Variants in NCKAP5 observed in about 807,000 individuals in gnomAD.
NCKAP5 encodes NCK associated protein 5, also known as nck-associated protein 5.
In NCKAP5, 92 loss-of-function variants were observed where a neutral mutation model predicts 167.0. The ratio of observed to expected loss-of-function variants is 0.55; its 90% CI spans 0.47 to 0.66. NCKAP5 has a LOEUF of 0.66. Among genes scored for constraint, NCKAP5 ranks in the 30% least tolerant of loss-of-function variants. NCKAP5 has a pLI of 0.00. For missense variants in NCKAP5, 2,378 were observed against 2,315.0 expected (o/e 1.03, Z -0.56); for synonymous variants, 891 against 877.4 (o/e 1.02, Z -0.27).
chr2:133,566,472 A>G (rs146441981), intron 1 of NCKAP5, among the ~76,000 whole-genome samples: 1 of 152,218 alleles, frequency 6.6e-6, no homozygotes, highest in South Asian at 2.1e-4. Context: ...TAGTGAAAAC[A>G]ATGAGGAACA....
chr2:132,765,628 T>A (rs1040460516), intron 16 of NCKAP5, among the ~76,000 whole-genome samples: 1 of 152,126 alleles, frequency 6.6e-6, no homozygotes, highest in South Asian at 2.1e-4. Flanking sequence ...AGTAAGAATT[T>A]GCATGTGTTC....
chr2:133,572,280 G>A, upstream of NCKAP5, among the ~76,000 whole-genome samples: 1 of 152,210 alleles, frequency 6.6e-6, no homozygotes, highest in Non-Finnish European at 1.5e-5. Flanking sequence ...ATACTCCTGG[G>A]TCTGATTCCT....
chr2:133,313,291 T>C (rs1007092298), intron 3 of NCKAP5, among the ~76,000 whole-genome samples: 2 of 152,310 alleles, frequency 1.3e-5, no homozygotes, highest in Middle Eastern at 3.4e-3. Context: ...CTGTGTAAGT[T>C]TGGCTTTGGT....
intron 3 of NCKAP5, among the ~76,000 whole-genome samples, chr2:133,481,642 T>C (rs1435734489): frequency 6.6e-6 from 1 of 152,168 alleles, no homozygotes; most frequent in Non-Finnish European, 1.5e-5. Flanking sequence ...CGTCCATGTG[T>C]TCTCATCATT....
chr2:132,999,319 T>C (rs1226247513), intron 6 of NCKAP5, among the ~76,000 whole-genome samples: 2 of 152,216 alleles, frequency 1.3e-5, no homozygotes, highest in Non-Finnish European at 2.9e-5. Context: ...TTAAAACTAA[T>C]GCATGAGAAG....
chr2:133,470,843 T>G (rs2151280285), intron 3 of NCKAP5, among the ~76,000 whole-genome samples: 1 of 152,370 alleles, frequency 6.6e-6, no homozygotes, highest in Admixed American at 6.5e-5. Flanking sequence ...GCTTCCCAAG[T>G]GAGGCAATGC....
At position 132,732,062 on chromosome 2, in the gene NCKAP5, G is replaced by C. The variant is rs1377909145; in HGVS notation, c.5129-11C>G. On this transcript the variant is annotated splice_polypyrimidine_tract_variant and intron_variant, in intron 16 of 19. Transcript: ENST00000409261. The stretch of plus-strand genomic sequence containing the variant: ...TCTGGCAGTTGGATTCTGAGATAGA[G>C]AGACAGAGAGAGAAGGGAATAGAGA... 5.6e-6 allele frequency: 9 copies of C among 1,597,988 alleles called. No individual in the cohort carries two copies. Among genetic ancestry groups the C allele is most frequent in the South Asian group, 1.1e-5 (1 of 88,836 alleles).
chr2:133,550,014 C>T (rs1203469889), intron 2 of NCKAP5, among the ~76,000 whole-genome samples: 4 of 151,634 alleles, frequency 2.6e-5, no homozygotes, highest in Admixed American at 6.6e-5. Context: ...GGATAAATTC[C>T]TCAACACATA....
At chr2:133,525,658 C>G (rs1485127932) in intron 2 of NCKAP5, among the ~76,000 whole-genome samples, 1 of 152,164 alleles carries the variant, frequency 6.6e-6, no homozygotes, top group Non-Finnish European at 1.5e-5. Flanking sequence ...ATATAATCCA[C>G]CCTTTTAAGT....
At chr2:133,282,079 G>C (rs1227576726) in intron 4 of NCKAP5, among the ~76,000 whole-genome samples, 2 of 152,074 alleles carry the variant, frequency 1.3e-5, no homozygotes, top group Non-Finnish European at 2.9e-5. Context: ...AATGTTTAGG[G>C]TAATGATTAA....
chr2:132,749,317 C>T (rs1328629819), intron 16 of NCKAP5, among the ~76,000 whole-genome samples: 4 of 152,098 alleles, frequency 2.6e-5, no homozygotes, highest in Non-Finnish European at 5.9e-5. Context: ...CATCCTCCCA[C>T]GTCAGCCTCC....
chr2:132,833,891 G>A (rs532125079), intron 11 of NCKAP5, among the ~76,000 whole-genome samples: 34 of 152,166 alleles, frequency 2.2e-4, no homozygotes, highest in East Asian at 1.9e-3. Context: ...CTAATTCTGC[G>A]AAACAGTGAC....
chr2:133,384,426 T>C (rs1686772997), intron 3 of NCKAP5, among the ~76,000 whole-genome samples: 1 of 152,232 alleles, frequency 6.6e-6, no homozygotes, highest in African/African-American at 2.4e-5. Flanking sequence ...ATCTCTGTTT[T>C]GGTACCAGTG....
At chr2:132,861,513 T>A (rs75790679) in intron 10 of NCKAP5, among the ~76,000 whole-genome samples, 1 of 150,528 alleles carries the variant, frequency 6.6e-6, no homozygotes, top group Non-Finnish European at 1.5e-5. Flanking sequence ...AAAAAAAAAA[T>A]GTCTTCTGTT....
chr2:133,672,225 G>A, the NCKAP5 span, among the ~76,000 whole-genome samples: 1 of 151,718 alleles, frequency 6.6e-6, no homozygotes. Context: ...CCCAAAGATG[G>A]GGAAGGGTTT....
intron 2 of NCKAP5, among the ~76,000 whole-genome samples, chr2:133,554,700 C>T (rs975134298): frequency 2.0e-5 from 3 of 152,098 alleles, no homozygotes; most frequent in Non-Finnish European, 2.9e-5. Flanking sequence ...TTGACCCTAC[C>T]GATACAATGG....
chr2:132,970,163 G>A (rs751483132), intron 7 of NCKAP5, among the ~76,000 whole-genome samples: 16 of 152,092 alleles, frequency 1.1e-4, no homozygotes, highest in East Asian at 1.9e-4. Context: ...ATAAAAACAC[G>A]ACAGTATTTT....
intron 4 of NCKAP5, among the ~76,000 whole-genome samples, chr2:133,252,761 A>T (rs905023493): frequency 1.3e-5 from 2 of 152,210 alleles, no homozygotes; most frequent in African/African-American, 4.8e-5. Flanking sequence ...AATGCCAGCC[A>T]AAAATAGGGT....
chr2:132,991,965 T>C (rs372323137), intron 7 of NCKAP5, among the ~76,000 whole-genome samples: 3 of 152,218 alleles, frequency 2.0e-5, no homozygotes, highest in African/African-American at 7.2e-5. Flanking sequence ...GAAGGGGATC[T>C]CCCTGGGACT....
Sources: allele counts gnomAD v4.1 joint callset (sites outside exome capture counted in the v4.1 genomes callset), GRCh38; gene constraint gnomAD v4.1.1; transcripts MANE v1.5; gene names NCBI Gene and HGNC (gene_info 2026-07-23, HGNC 2026-07-21).